Variants in FGF12 observed in about 807,000 individuals in gnomAD.
FGF12 encodes fibroblast growth factor 12B.
FGF12 carries 14 observed loss-of-function variants against 23.6 expected under a neutral mutation model. The observed-to-expected ratio is 0.59, with a 90% CI of 0.39 to 0.93. The LOEUF (loss-of-function observed/expected upper bound fraction) is 0.93, where lower values mean the gene tolerates loss of function less well. Ranked by LOEUF, FGF12 falls within the 40% of genes least tolerant of loss-of-function variation. The probability of loss-of-function intolerance (pLI) is 0.00; values close to 1 mark genes in which losing one functional copy is unlikely to be tolerated. For missense variants in FGF12, 175 were observed against 217.8 expected, an observed-to-expected ratio of 0.80 and a Z score of 1.24; for synonymous variants, 62 against 77.3, an observed-to-expected ratio of 0.80 and a Z score of 1.04.
chr3:192,538,046 A>G (rs1210022380), intron 2 of FGF12, among the ~76,000 whole-genome samples: 1 of 150,036 alleles, frequency 6.7e-6, no homozygotes, highest in African/African-American at 2.5e-5. Flanking sequence ...TCCCAGGTTC[A>G]AGTGATTCTC....
rs531240223 is a variant in FGF12 at position 192,561,583 on chromosome 3, C to T, written c.13+165598G>A. Among the ~76,000 whole-genome samples, 7 of 152,184 alleles carry T rather than the reference C, an allele frequency of 4.6e-5. No homozygotes were observed. In the East Asian group the frequency reaches 7.7e-4, roughly 17 times the overall value. ...TTCACCGTGTTAGCCAGGATAGTCT[C>T]GATCTCCTGACCTTGTGATCCGCCC... is the stretch of plus-strand genomic sequence containing the variant. On this transcript the variant is annotated intron_variant, in intron 2 of 5. Transcript: ENST00000445105.
At chr3:192,472,946 C>T (rs954447101) in intron 2 of FGF12, among the ~76,000 whole-genome samples, 10 of 152,154 alleles carry the variant, frequency 6.6e-5, no homozygotes, top group African/African-American at 2.4e-4. Context: ...CAAGTATCAC[C>T]TGTTCTGAGA....
chr3:192,341,279 A>C (rs1374913226), intron 3 of FGF12, among the ~76,000 whole-genome samples: 1 of 152,140 alleles, frequency 6.6e-6, no homozygotes, highest in Admixed American at 6.5e-5. Flanking sequence ...CCAAGTTATA[A>C]AATATTAAAG....
chr3:192,582,153 A>C (rs1713183451), intron 2 of FGF12, among the ~76,000 whole-genome samples: 1 of 151,800 alleles, frequency 6.6e-6, no homozygotes, highest in Admixed American at 6.6e-5. Flanking sequence ...TTACTAAATT[A>C]TGGCAGCTTT....
chr3:192,679,532 G>A (rs772809892), intron 2 of FGF12, among the ~76,000 whole-genome samples: 3 of 152,028 alleles, frequency 2.0e-5, no homozygotes, highest in Admixed American at 6.6e-5. Context: ...TTTGAGCCCT[G>A]GAGTTTGAGG....
Position 192,408,024 on chromosome 3 carries a change from C to T in FGF12, c.14-47486G>A. ...AGCCCACTCTCCGGGCTTCTACTGACCTGGTCTCCGCCTCACCGGCCTCTT... is the reference window on the plus strand; with the variant it reads ...AGCCCACTCTCCGGGCTTCTACTGATCTGGTCTCCGCCTCACCGGCCTCTT... On this transcript the variant is annotated intron_variant, in intron 2 of 5. Coordinates refer to ENST00000445105, the MANE Select transcript of FGF12 (RefSeq NM_004113.6). The surrounding 1 kb of genome is among the most constrained non-coding windows in gnomAD (Gnocchi z 7.3). 6.2e-7 allele frequency: 1 copy of T among 1,608,446 alleles called. No homozygotes were observed. Among genetic ancestry groups the T allele is most frequent in the Non-Finnish European group, 8.5e-7 (1 of 1,178,002 alleles).
intron 2 of FGF12, among the ~76,000 whole-genome samples, chr3:192,387,462 T>G (rs1720092966): frequency 6.6e-6 from 1 of 152,316 alleles, no homozygotes; most frequent in African/African-American, 2.4e-5. Context: ...CCAGGTATGC[T>G]TCAATAATTT....
chr3:192,311,293 T>C (rs1715918949), intron 4 of FGF12, among the ~76,000 whole-genome samples: 1 of 152,196 alleles, frequency 6.6e-6, no homozygotes, highest in Non-Finnish European at 1.5e-5. Context: ...CCTTTAGCTG[T>C]GAACCCCTTC....
chr3:192,710,176 C>T (rs1718619494), intron 2 of FGF12, among the ~76,000 whole-genome samples: 1 of 152,184 alleles, frequency 6.6e-6, no homozygotes, highest in African/African-American at 2.4e-5. Flanking sequence ...CAGGGCACTG[C>T]TGAGAACTCC....
chr3:192,538,327 G>A (rs148147982), intron 2 of FGF12, among the ~76,000 whole-genome samples: 50 of 152,076 alleles, frequency 3.3e-4, no homozygotes, highest in African/African-American at 1.1e-3. Context: ...GTTCCATTCC[G>A]CTGCGTACAG....
intron 2 of FGF12, among the ~76,000 whole-genome samples, chr3:192,667,248 A>G (rs889974501): frequency 2.0e-5 from 3 of 152,234 alleles, no homozygotes; most frequent in Admixed American, 2.0e-4. Context: ...AGAAGGGAGA[A>G]AAGCTTCTGG....
chr3:192,474,764 A>G (rs1723270201), intron 2 of FGF12, among the ~76,000 whole-genome samples: 1 of 152,066 alleles, frequency 6.6e-6, no homozygotes, highest in African/African-American at 2.4e-5. Context: ...GTGTCCCTGT[A>G]GTCCCAGGTA....
intron 3 of FGF12, among the ~76,000 whole-genome samples, chr3:192,349,359 C>T (rs1718104947): frequency 6.6e-6 from 1 of 152,018 alleles, no homozygotes; most frequent in East Asian, 1.9e-4. Flanking sequence ...AAAGTGATCT[C>T]TAATTCTCAC....
intron 2 of FGF12, among the ~76,000 whole-genome samples, chr3:192,432,466 C>G (rs1476489143): frequency 6.6e-6 from 1 of 152,034 alleles, no homozygotes; most frequent in African/African-American, 2.4e-5. Context: ...TGAGATATCA[C>G]TCTCTGGATT....
intron 2 of FGF12, among the ~76,000 whole-genome samples, chr3:192,449,652 C>T (rs76683326): frequency 0.026 from 3,984 of 152,282 alleles, 137 homozygotes; most frequent in African/African-American, 0.083. Context: ...CAGCAGAAAA[C>T]GGTTGCACCC....
chr3:192,599,325 C>G (rs1262113332), intron 2 of FGF12, among the ~76,000 whole-genome samples: 1 of 149,636 alleles, frequency 6.7e-6, no homozygotes, highest in Non-Finnish European at 1.5e-5. Flanking sequence ...TGAATTTAGG[C>G]CTTAACTTTG....
intron 2 of FGF12, among the ~76,000 whole-genome samples, chr3:192,648,719 T>C (rs574638568): frequency 6.6e-6 from 1 of 152,228 alleles, no homozygotes; most frequent in Non-Finnish European, 1.5e-5. Context: ...GGATGAGAAA[T>C]GGCATTAGAA....
At chr3:192,636,566 A>G (rs1173024400) in intron 2 of FGF12, among the ~76,000 whole-genome samples, 1 of 152,210 alleles carries the variant, frequency 6.6e-6, no homozygotes, top group East Asian at 1.9e-4. Flanking sequence ...TCATGAGTCA[A>G]GGATATGACA....
chr3:192,686,165 A>C (rs1717724784), intron 2 of FGF12, among the ~76,000 whole-genome samples: 1 of 151,360 alleles, frequency 6.6e-6, no homozygotes, highest in South Asian at 2.1e-4. Context: ...TGAAAATATC[A>C]GCGTCTTAGA....
Sources: allele counts gnomAD v4.1 joint callset (sites outside exome capture counted in the v4.1 genomes callset), GRCh38; gene constraint gnomAD v4.1.1; non-coding constraint Gnocchi (gnomAD v3.1); transcripts MANE v1.5; gene names NCBI Gene and HGNC (gene_info 2026-07-23, HGNC 2026-07-21).